The following NBEA variants were observed in gnomAD, a reference collection of about 807,000 sequenced individuals.
The protein encoded by NBEA is neurobeachin.
A neutral mutation model predicts 343.4 loss-of-function variants in NBEA; 44 were observed. That is an observed-to-expected ratio of 0.13 (90% CI 0.10 to 0.16). The LOEUF (loss-of-function observed/expected upper bound fraction) is 0.16. Among genes scored for constraint, NBEA ranks in the 10% least tolerant of loss-of-function variants. The probability of loss-of-function intolerance (pLI) is 1.00; values close to 1 mark genes in which losing one functional copy is unlikely to be tolerated. For missense variants in NBEA, 2,555 were observed against 3,631.3 expected (o/e 0.70, Z 7.62); for synonymous variants, 1,175 against 1,238.7 (o/e 0.95, Z 1.08).
Position 35,472,556 on chromosome 13 carries a change from T to A in NBEA, c.6585+20T>A, listed in dbSNP as rs765187199. On this transcript the variant is annotated intron_variant, in intron 41 of 58. Coordinates refer to ENST00000379939, the MANE Select transcript of NBEA (RefSeq NM_001385012.1). ...ACGAAAGTGAGTTAAAGCGATTCCA[T>A]GTACAGTATTGGTGGCTTTGTGGCA... The A allele has an allele frequency of 6.2e-7, 1 of 1,613,946 alleles. No individual in the cohort carries two copies. Among genetic ancestry groups the A allele is most frequent in the Non-Finnish European group, 8.5e-7 (1 of 1,179,834 alleles).
Position 35,258,540 on chromosome 13 carries a change from T to TAA in NBEA, c.5776+25930_5776+25931dup, listed in dbSNP as rs144726188. Among the ~76,000 whole-genome samples, 315 of 148,638 alleles carry TAA rather than the reference T, an allele frequency of 2.1e-3. 1 individual carries two copies. Among genetic ancestry groups the TAA allele is most frequent in the Admixed American group, 2.9e-3 (44 of 14,962 alleles). On this transcript the variant is annotated intron_variant, in intron 34 of 58. Coordinates refer to ENST00000379939, the MANE Select transcript of NBEA (RefSeq NM_001385012.1). ...AAATCTGTTCTTAATTTACTGGCCA[T>TAA]AAAAAAAAAACAGTGGCAGAATAGG...
In NBEA at chr13:35,628,070, A is replaced by T. The variant is rs1340960731; in HGVS notation, c.7450-11A>T. 3 of 1,602,194 alleles carry T rather than the reference A, an allele frequency of 1.9e-6. No homozygotes were observed. In the Admixed American group the frequency reaches 5.1e-5, roughly 27 times the overall value. On this transcript the variant is annotated splice_polypyrimidine_tract_variant and intron_variant, in intron 48 of 58. Coordinates refer to ENST00000379939, the MANE Select transcript of NBEA (RefSeq NM_001385012.1). Reference sequence around the variant, plus strand: ...TTGATGGTCTCTCATTTCTTTCTTGACTCATTTCAGGCCCTAGAAAGTGAA... The same window carrying T: ...TTGATGGTCTCTCATTTCTTTCTTGTCTCATTTCAGGCCCTAGAAAGTGAA...
At chr13:35,459,448 A>C (rs1039372529) in intron 40 of NBEA, among the ~76,000 whole-genome samples, 1 of 152,046 alleles carries the variant, frequency 6.6e-6, no homozygotes, top group African/African-American at 2.4e-5. Context: ...CATCTTTTGA[A>C]TATCTACTAA....
chr13:35,298,187 ATGTGTG>A (rs1216541038), intron 35 of NBEA, among the ~76,000 whole-genome samples: 7 of 115,172 alleles, frequency 6.1e-5, no homozygotes, highest in African/African-American at 2.3e-4. Flanking sequence ...GTGTGTGTGT[ATGTGTG>A]TGTGTGTGTG....
chr13:35,044,483 C>A (rs1182971908), intron 2 of NBEA, among the ~76,000 whole-genome samples: 5 of 151,976 alleles, frequency 3.3e-5, no homozygotes, highest in South Asian at 2.1e-4. Context: ...ATAGATAATT[C>A]TGAAAGACAA....
At chr13:35,532,280 C>T (rs1329101799) in intron 41 of NBEA, among the ~76,000 whole-genome samples, 1 of 152,010 alleles carries the variant, frequency 6.6e-6, no homozygotes, top group Non-Finnish European at 1.5e-5. Context: ...TTCCTCATCA[C>T]ATGAAAAGTA....
At chr13:35,312,996 A>G (rs961610578) in intron 36 of NBEA, among the ~76,000 whole-genome samples, 1 of 152,160 alleles carries the variant, frequency 6.6e-6, no homozygotes. Context: ...ATTTAGACTT[A>G]TGAGTCTCCA....
At chr13:35,131,889 T>C (rs2067449521) in intron 17 of NBEA, among the ~76,000 whole-genome samples, 1 of 152,130 alleles carries the variant, frequency 6.6e-6, no homozygotes, top group Non-Finnish European at 1.5e-5. Context: ...TGCAAGGTAT[T>C]TGGAAGTAAA....
intron 1 of NBEA, among the ~76,000 whole-genome samples, chr13:35,008,969 A>G (rs529273610): frequency 2.5e-4 from 38 of 152,172 alleles, no homozygotes; most frequent in Non-Finnish European, 4.1e-4. Context: ...TTGAGAGGGA[A>G]AGTAGCCTAA....
At chr13:35,523,147 T>C in intron 41 of NBEA, among the ~76,000 whole-genome samples, 1 of 152,316 alleles carries the variant, frequency 6.6e-6, no homozygotes, top group South Asian at 2.1e-4. Flanking sequence ...CCACCCTTTC[T>C]GAGTACCCAT....
intron 1 of NBEA, among the ~76,000 whole-genome samples, chr13:35,016,196 A>G (rs968697160): frequency 6.6e-6 from 1 of 152,148 alleles, no homozygotes; most frequent in Non-Finnish European, 1.5e-5. Flanking sequence ...ATTTCTTTGT[A>G]ATTATATTCT....
intron 31 of NBEA, among the ~76,000 whole-genome samples, chr13:35,200,233 A>AT (rs2072922893): frequency 6.6e-6 from 1 of 151,946 alleles, no homozygotes; most frequent in Non-Finnish European, 1.5e-5. Context: ...AAATGTTTTA[A>AT]TTGAGCTATT....
intron 44 of NBEA, among the ~76,000 whole-genome samples, chr13:35,559,734 T>A (rs1223387499): frequency 6.6e-6 from 1 of 151,840 alleles, no homozygotes; most frequent in African/African-American, 2.4e-5. Flanking sequence ...GCTAACACGG[T>A]GAAACCCCGT....
At chr13:35,058,420 T>G (rs2063345005) in intron 7 of NBEA, among the ~76,000 whole-genome samples, 1 of 152,110 alleles carries the variant, frequency 6.6e-6, no homozygotes, top group Non-Finnish European at 1.5e-5. Flanking sequence ...CTTTTGTAAA[T>G]AAATAATTAT....
intron 47 of NBEA, among the ~76,000 whole-genome samples, chr13:35,605,647 A>G: frequency 6.6e-6 from 1 of 152,298 alleles, no homozygotes; most frequent in African/African-American, 2.4e-5. Context: ...AAAAACTTTC[A>G]GGGTATTAAA....
chr13:35,449,003 G>A (rs899309580), intron 39 of NBEA, among the ~76,000 whole-genome samples: 16 of 152,260 alleles, frequency 1.1e-4, no homozygotes, highest in African/African-American at 3.6e-4. Flanking sequence ...AGGAAAGGTA[G>A]GAACATACCC....
At chr13:35,042,183 T>C (rs1033107610) in intron 2 of NBEA, among the ~76,000 whole-genome samples, 2 of 151,868 alleles carry the variant, frequency 1.3e-5, no homozygotes, top group African/African-American at 4.8e-5. Flanking sequence ...TTTCAAAAAA[T>C]TTGATTTTCT....
At chr13:35,179,347 C>A (rs1436880015) in intron 28 of NBEA, among the ~76,000 whole-genome samples, 1 of 151,432 alleles carries the variant, frequency 6.6e-6, no homozygotes, top group Non-Finnish European at 1.5e-5. Flanking sequence ...CATGGCAACA[C>A]TTAAAGCAGA....
At chr13:35,072,326 C>T (rs2063907209) in intron 10 of NBEA, among the ~76,000 whole-genome samples, 1 of 151,950 alleles carries the variant, frequency 6.6e-6, no homozygotes, top group African/African-American at 2.4e-5. Flanking sequence ...GTTTATTCAT[C>T]CAAGACACAT....
Sources: gnomAD v4.1 joint callset for allele counts (sites outside exome capture counted in the v4.1 genomes callset) on GRCh38, gnomAD v4.1.1 for gene constraint, MANE v1.5 for transcripts, NCBI Gene and HGNC (gene_info 2026-07-23, HGNC 2026-07-21) for gene names.